Variants in KIAA1549L observed in about 807,000 individuals in gnomAD.
KIAA1549L encodes the protein KIAA1549 like.
A neutral mutation model predicts 160.7 loss-of-function variants in KIAA1549L; 88 were observed. That is an observed-to-expected ratio of 0.55 (90% CI 0.46 to 0.65). KIAA1549L has a LOEUF of 0.65. Among genes scored for constraint, KIAA1549L ranks in the 30% least tolerant of loss-of-function variants. The pLI is 0.00. For missense variants in KIAA1549L, 2,258 were observed against 2,437.5 expected (o/e 0.93, Z 1.55); for synonymous variants, 950 against 976.7 (o/e 0.97, Z 0.51).
chr11:33,460,949 A>G (rs1399080515), intron 1 of KIAA1549L, among the ~76,000 whole-genome samples: 2 of 152,176 alleles, frequency 1.3e-5, no homozygotes, highest in Non-Finnish European at 2.9e-5. Flanking sequence ...TTATCTCTGC[A>G]TGGTGGGATT....
rs555871940 is a variant in KIAA1549L at position 33,462,670 on chromosome 11, G to A, written c.239-79132G>A. Among the ~76,000 whole-genome samples the A allele has an allele frequency of 6.4e-4, 98 of 152,218 alleles. 1 individual carries two copies. The highest frequency in any genetic ancestry group is 2.1e-3 in the African/African-American group (87 of 41,544). On this transcript the variant is annotated intron_variant, in intron 1 of 20. Transcript: ENST00000658780. ...TCAAAACTTGATTGTTCCACTCATG[G>A]ACCAGTGACTTTCAGCAAATTTCTT...
intron 16 of KIAA1549L, among the ~76,000 whole-genome samples, chr11:33,622,078 G>A (rs1203544631): frequency 1.3e-5 from 2 of 152,000 alleles, no homozygotes; most frequent in East Asian, 3.8e-4. Context: ...AAAATGTTAA[G>A]AAGGATGGTT....
At chr11:33,592,272 G>A (rs1468202145) in intron 12 of KIAA1549L, among the ~76,000 whole-genome samples, 1 of 152,192 alleles carries the variant, frequency 6.6e-6, no homozygotes, top group Non-Finnish European at 1.5e-5. Flanking sequence ...AGGCAACGGG[G>A]AGCCACTGAA....
chr11:33,580,843 T>C (rs575494323), intron 10 of KIAA1549L, among the ~76,000 whole-genome samples: 9 of 152,244 alleles, frequency 5.9e-5, no homozygotes, highest in African/African-American at 2.2e-4. Flanking sequence ...ATTAGTGCTA[T>C]GGAGAAAATT....
At position 33,542,720 on chromosome 11, in the gene KIAA1549L, C is replaced by T. The variant is rs1402500521; in HGVS notation, c.1157C>T (p.Thr386Ile). The T allele has an allele frequency of 1.2e-6, 2 of 1,614,020 alleles. No individual in the cohort carries two copies. The highest frequency in any genetic ancestry group is 2.2e-5 in the South Asian group (2 of 91,082). The change falls in exon 2 of 21, where the codon ACC (threonine) becomes ATC (isoleucine). Residue 386 changes from threonine to isoleucine, a missense_variant. Around this residue, in one of 6 missense-constraint regions of KIAA1549L, gnomAD observed 540 missense variants for 465.7 expected, o/e 1.16. Coordinates refer to ENST00000658780, the MANE Select transcript of KIAA1549L (RefSeq NM_012194.3). Reference protein sequence around the residue: ...MLEVASGPASTQQIKAGVPGR... With the variant: ...MLEVASGPASIQQIKAGVPGR... ...GAAGTGGCTTCAGGTCCTGCATCCACCCAGCAGATCAAAGCTGGGGTGCCT... is the reference window on the plus strand; with the variant it reads ...GAAGTGGCTTCAGGTCCTGCATCCATCCAGCAGATCAAAGCTGGGGTGCCT...
At chr11:33,482,406 A>G (rs372845222) in intron 1 of KIAA1549L, among the ~76,000 whole-genome samples, 3 of 152,104 alleles carry the variant, frequency 2.0e-5, no homozygotes, top group Admixed American at 6.5e-5. Flanking sequence ...CCCAGTGACT[A>G]TAAAACTGAT....
At chr11:33,599,174 T>C (rs1237433324) in intron 13 of KIAA1549L, 1 of 366,604 alleles carries the variant, frequency 2.7e-6, no homozygotes, top group Non-Finnish European at 5.0e-6. Context: ...CCTGTTCTTA[T>C]GAAATGGTGT....
intron 1 of KIAA1549L, among the ~76,000 whole-genome samples, chr11:33,405,226 GAAAT>G (rs892183478): frequency 5.9e-5 from 9 of 152,006 alleles, no homozygotes; most frequent in Non-Finnish European, 1.0e-4. Flanking sequence ...AGGGGAGTGA[GAAAT>G]AAAAATAGAG....
chr11:33,545,181 C>A lies in KIAA1549L; in HGVS notation c.3188C>A (p.Ala1063Glu). 4 of 1,614,060 alleles carry A rather than the reference C, an allele frequency of 2.5e-6. No homozygotes were observed. The highest frequency in any genetic ancestry group is 3.4e-6 in the Non-Finnish European group (4 of 1,179,900). ...CCCACCAACCTGGAGATGCCCAGAG[C>A]ATCCACGCCACGCCCACTGACAGTC... ...PNPTNLEMPR[A>E]STPRPLTVTA... Residue 1063 changes from alanine to glutamate, a missense_variant, in exon 3 of 21, where the codon GCA (alanine) becomes GAA (glutamate). Physicochemically the swap from Ala to Glu is moderately radical, Grantham distance 107. This residue lies in a region of KIAA1549L where 1,359 missense variants were observed against 1,546.6 expected (regional missense o/e 0.88). Coordinates refer to ENST00000658780, the MANE Select transcript of KIAA1549L (RefSeq NM_012194.3).
rs374441782 is a variant in KIAA1549L, at chr11:33,645,930, C to T, written c.5654C>T (p.Ser1885Leu). 24 of 1,613,098 alleles carry T rather than the reference C, an allele frequency of 1.5e-5. No homozygotes were observed. The highest frequency in any genetic ancestry group is 1.7e-4 in the Middle Eastern group (1 of 6,054). The change falls in exon 17 of 21, where the codon TCG becomes TTG. Residue 1885 changes from serine (S) to leucine (L), a missense_variant. Coordinates refer to ENST00000658780, the MANE Select transcript of KIAA1549L (RefSeq NM_012194.3). ...AYGSAQHLPYSEVVTSAPGTM... is the reference protein window; with the variant it reads ...AYGSAQHLPYLEVVTSAPGTM... ...GGCTCAGCCCAGCACCTGCCCTATTCGGAGGTGGTGACCAGCGCTCCGGGG... is the reference window on the plus strand; with the variant it reads ...GGCTCAGCCCAGCACCTGCCCTATTTGGAGGTGGTGACCAGCGCTCCGGGG...
At chr11:33,607,780 T>C (rs1004536655) in intron 14 of KIAA1549L, among the ~76,000 whole-genome samples, 2 of 152,208 alleles carry the variant, frequency 1.3e-5, no homozygotes, top group African/African-American at 2.4e-5. Flanking sequence ...GGGCCACTTA[T>C]AAAAGCATTT....
chr11:33,461,946 C>T (rs866826146), intron 1 of KIAA1549L, among the ~76,000 whole-genome samples: 10 of 152,178 alleles, frequency 6.6e-5, no homozygotes, highest in Non-Finnish European at 1.5e-4. Flanking sequence ...GTATCTGTTG[C>T]TGGTTTGTGA....
At chr11:33,440,622 T>C (rs1851482457) in intron 1 of KIAA1549L, among the ~76,000 whole-genome samples, 1 of 152,240 alleles carries the variant, frequency 6.6e-6, no homozygotes, top group Admixed American at 6.5e-5. Flanking sequence ...TCCATACTTT[T>C]CTACATTGAT....
At chr11:33,536,316 G>A (rs762919746) in intron 1 of KIAA1549L, among the ~76,000 whole-genome samples, 5 of 152,228 alleles carry the variant, frequency 3.3e-5, no homozygotes, top group African/African-American at 1.2e-4. Flanking sequence ...CAGTTGGGAC[G>A]ATTCAGACAG....
chr11:33,652,056 C>G (rs936816323), intron 17 of KIAA1549L, among the ~76,000 whole-genome samples: 1 of 150,992 alleles, frequency 6.6e-6, no homozygotes, highest in Non-Finnish European at 1.5e-5. Flanking sequence ...TGCCTTCAGT[C>G]CTGAGTCTTT....
At chr11:33,480,129 G>A (rs1852378320) in intron 1 of KIAA1549L, among the ~76,000 whole-genome samples, 1 of 152,150 alleles carries the variant, frequency 6.6e-6, no homozygotes, top group Non-Finnish European at 1.5e-5. Flanking sequence ...CCCGTTTAAA[G>A]TGTGTAATTC....
intron 1 of KIAA1549L, among the ~76,000 whole-genome samples, chr11:33,443,270 G>A (rs978662521): frequency 6.6e-6 from 1 of 151,856 alleles, no homozygotes; most frequent in Non-Finnish European, 1.5e-5. Flanking sequence ...ACAGTGGTGC[G>A]ATTACAGGCA....
At chr11:33,538,750 TC>T (rs1853949397) in intron 1 of KIAA1549L, among the ~76,000 whole-genome samples, 1 of 152,210 alleles carries the variant, frequency 6.6e-6, no homozygotes, top group African/African-American at 2.4e-5. Flanking sequence ...TATAGATACT[TC>T]CATATAGATA....
intron 13 of KIAA1549L, 54 bp downstream of exon 13, chr11:33,599,001 A>G: frequency 1.2e-6 from 2 of 1,601,632 alleles, no homozygotes; most frequent in Admixed American, 1.7e-5. Flanking sequence ...GCGTGCCCGC[A>G]CACACATGCG....
Sources: gnomAD v4.1 joint callset for allele counts (sites outside exome capture counted in the v4.1 genomes callset) on GRCh38, gnomAD v4.1.1 for gene constraint, gnomAD v4.1.1 regional missense constraint, MANE v1.5 for transcripts, NCBI Gene and HGNC (gene_info 2026-07-23, HGNC 2026-07-21) for gene names.